Variants in UPP2 observed in about 807,000 individuals in gnomAD.
The protein encoded by UPP2 is UPase 2.
A neutral mutation model predicts 26.7 loss-of-function variants in UPP2; 23 were observed. The ratio of observed to expected loss-of-function variants is 0.86; its 90% CI spans 0.62 to 1.22. The LOEUF is 1.22. Ranked by LOEUF, UPP2 falls within the 50% of genes most tolerant of loss-of-function variation. The probability of loss-of-function intolerance (pLI) is 0.00; values close to 1 mark genes in which losing one functional copy is unlikely to be tolerated. For synonymous variants in UPP2, 127 were observed against 141.3 expected, an observed-to-expected ratio of 0.90 and a Z score of 0.72; for missense variants, 387 against 396.7, an observed-to-expected ratio of 0.98 and a Z score of 0.21.
At chr2:158,023,406 A>G (rs1212485591) in intron 3 of UPP2, among the ~76,000 whole-genome samples, 1 of 152,036 alleles carries the variant, frequency 6.6e-6, no homozygotes, top group African/African-American at 2.4e-5. Flanking sequence ...TGGAATCTGG[A>G]CTCCCATGAT....
At chr2:158,113,869 A>G (rs1194304201) in intron 2 of UPP2, among the ~76,000 whole-genome samples, 6 of 152,214 alleles carry the variant, frequency 3.9e-5, no homozygotes. Flanking sequence ...ATTCTGCAAT[A>G]CAGGAAAAGT....
In UPP2 at chr2:158,125,856, G is replaced by T. The variant is rs572290926; in HGVS notation, c.811+1961G>T. On this transcript the variant is annotated intron_variant, in intron 6 of 6. Transcript: ENST00000005756. ...CTGCAGGGACACCTGGATTCAGATGGTTCTGCTCCAGGAAATGCCTCCTCA... is the reference window on the plus strand; with the variant it reads ...CTGCAGGGACACCTGGATTCAGATGTTTCTGCTCCAGGAAATGCCTCCTCA... Among the ~76,000 whole-genome samples, 7 of 152,326 alleles carry T rather than the reference G, an allele frequency of 4.6e-5. No homozygotes were observed. In the East Asian group the frequency reaches 1.3e-3, roughly 29 times the overall value.
At chr2:158,033,904 T>A (rs1310554200) in intron 3 of UPP2, among the ~76,000 whole-genome samples, 1 of 151,712 alleles carries the variant, frequency 6.6e-6, no homozygotes, top group East Asian at 1.9e-4. Flanking sequence ...CTGAAAACAT[T>A]AGGAGTTGGA....
rs576374812 is a variant in UPP2, at chr2:158,132,445, A to T, written c.812-2303A>T. ...GTAATACTGGGCCATTTGGTTGATCATTCTAAGCCCTCATTTAATCATCTG... is the reference window on the plus strand; with the variant it reads ...GTAATACTGGGCCATTTGGTTGATCTTTCTAAGCCCTCATTTAATCATCTG... On this transcript the variant is annotated intron_variant, in intron 6 of 6. Transcript: ENST00000005756. 2.6e-5 allele frequency among the ~76,000 whole-genome samples: 4 copies of T among 152,342 alleles called. No homozygotes were observed. The South Asian group carries it at 6.2e-4, about 24-fold the overall frequency.
At chr2:158,041,188 T>A (rs1684077258) in intron 3 of UPP2, among the ~76,000 whole-genome samples, 1 of 152,100 alleles carries the variant, frequency 6.6e-6, no homozygotes, top group Non-Finnish European at 1.5e-5. Context: ...CAAGAAGCAT[T>A]TTTTTTACAA....
intron 3 of UPP2, among the ~76,000 whole-genome samples, chr2:158,036,339 A>C (rs1313405372): frequency 6.6e-6 from 1 of 152,138 alleles, no homozygotes; most frequent in African/African-American, 2.4e-5. Context: ...GCAAATACTC[A>C]GCTCCTTCAC....
intron 2 of UPP2, among the ~76,000 whole-genome samples, chr2:158,111,032 T>G (rs1444876385): frequency 1.3e-5 from 2 of 152,232 alleles, no homozygotes; most frequent in Admixed American, 6.5e-5. Flanking sequence ...TTTGTCAATT[T>G]TGGCTTTTGT....
At chr2:158,110,810 C>G (rs1488886337) in intron 2 of UPP2, among the ~76,000 whole-genome samples, 1 of 152,112 alleles carries the variant, frequency 6.6e-6, no homozygotes, top group African/African-American at 2.4e-5. Flanking sequence ...GCATAAATGT[C>G]TTCTTTTGAG....
chr2:158,117,493 C>G (rs34393954), intron 3 of UPP2, among the ~76,000 whole-genome samples: 4,076 of 152,048 alleles, frequency 0.027, 144 homozygotes, highest in East Asian at 0.14. Flanking sequence ...AAAGGCTCAT[C>G]ATGAAGAGCC....
intron 3 of UPP2, among the ~76,000 whole-genome samples, chr2:158,063,464 G>A (rs767604479): frequency 5.3e-5 from 8 of 152,290 alleles, no homozygotes; most frequent in Middle Eastern, 3.4e-3. Flanking sequence ...TCACTGCATG[G>A]TAGAGTCTGG....
chr2:158,068,802 ATTTTTTTTTTTTTTTTT>A (rs70990633), intron 3 of UPP2, among the ~76,000 whole-genome samples: 2 of 18,892 alleles, frequency 1.1e-4, no homozygotes, highest in African/African-American at 4.6e-4. Flanking sequence ...ATATATATAT[ATTTTTTTTTTTTTTTTT>A]TTTTTTTTTT....
chr2:158,049,581 T>TC (rs1317010554), intron 3 of UPP2, among the ~76,000 whole-genome samples: 1 of 152,214 alleles, frequency 6.6e-6, no homozygotes, highest in African/African-American at 2.4e-5. Flanking sequence ...GTGAGCTTTT[T>TC]CCTCTACTGT....
chr2:158,023,086 A>G (rs927765950), intron 3 of UPP2, among the ~76,000 whole-genome samples: 1 of 143,296 alleles, frequency 7.0e-6, no homozygotes, highest in East Asian at 2.3e-4. Context: ...CTAGAGCAGG[A>G]AGTGGGTTCA....
chr2:158,062,822 T>C (rs1682373588), intron 3 of UPP2, among the ~76,000 whole-genome samples: 1 of 152,252 alleles, frequency 6.6e-6, no homozygotes, highest in African/African-American at 2.4e-5. Flanking sequence ...AGATCCAGCA[T>C]ACTGGCATTC....
At chr2:158,029,258 C>T (rs1207191882) in intron 3 of UPP2, among the ~76,000 whole-genome samples, 1 of 152,286 alleles carries the variant, frequency 6.6e-6, no homozygotes, top group East Asian at 1.9e-4. Flanking sequence ...CAAAGCAGCA[C>T]TTCGTAACTG....
intron 3 of UPP2, among the ~76,000 whole-genome samples, chr2:158,093,925 A>G (rs540028937): frequency 6.6e-6 from 1 of 151,346 alleles, no homozygotes; most frequent in South Asian, 2.1e-4. Flanking sequence ...TGGAAGCAAC[A>G]TAAAAAAGCC....
chr2:158,007,886 A>C (rs1391224331), intron 2 of UPP2, among the ~76,000 whole-genome samples: 1 of 151,938 alleles, frequency 6.6e-6, no homozygotes, highest in Non-Finnish European at 1.5e-5. Context: ...AGGCCTCCCA[A>C]AGTGCTGGGA....
intron 3 of UPP2, among the ~76,000 whole-genome samples, chr2:158,019,820 C>T (rs564859085): frequency 6.6e-6 from 1 of 152,148 alleles, no homozygotes; most frequent in South Asian, 2.1e-4. Context: ...AGACAAAGAA[C>T]TAGCATGCAG....
At chr2:158,014,662 A>G (rs1235531780) in intron 2 of UPP2, among the ~76,000 whole-genome samples, 1 of 152,224 alleles carries the variant, frequency 6.6e-6, no homozygotes, top group Non-Finnish European at 1.5e-5. Context: ...GCAATGAAAC[A>G]TAAGACATAT....
Sources: gnomAD v4.1 joint callset for allele counts (sites outside exome capture counted in the v4.1 genomes callset) on GRCh38, gnomAD v4.1.1 for gene constraint, MANE v1.5 for transcripts, NCBI Gene and HGNC (gene_info 2026-07-23, HGNC 2026-07-21) for gene names.